The following BRD4 variants were observed in gnomAD, a reference collection of about 807,000 sequenced individuals.
BRD4 encodes the protein bromodomain-containing protein 4.
BRD4 carries 16 observed loss-of-function variants against 142.1 expected under a neutral mutation model. The ratio of observed to expected loss-of-function variants is 0.11; its 90% CI spans 0.08 to 0.17. The LOEUF (loss-of-function observed/expected upper bound fraction) is 0.17. Among genes scored for constraint, BRD4 ranks in the 10% least tolerant of loss-of-function variants. BRD4 has a pLI of 1.00. For synonymous variants in BRD4, 833 were observed against 707.5 expected, an observed-to-expected ratio of 1.18 and a Z score of -2.82; for missense variants, 1,424 against 1,810.9, an observed-to-expected ratio of 0.79 and a Z score of 3.88.
Position 15,277,366 on chromosome 19 carries a change from T to C in BRD4, c.-34-4233A>G, listed in dbSNP as rs373863129. Reference sequence around the variant, plus strand: ...GTGCCCAGGTGCCTTGGGGATGTCATGGTAAACTCAGATGGCATTGCAGGA... The same window carrying C: ...GTGCCCAGGTGCCTTGGGGATGTCACGGTAAACTCAGATGGCATTGCAGGA... On this transcript the variant is annotated intron_variant, in intron 1 of 19. Transcript: ENST00000679869. Among the ~76,000 whole-genome samples, 231 of 152,310 alleles carry C rather than the reference T, an allele frequency of 1.5e-3. 3 individuals carry two copies. Among genetic ancestry groups the C allele is most frequent in the African/African-American group, 5.5e-3 (227 of 41,552 alleles).
chr19:15,318,480 G>A lies in BRD4; in HGVS notation c.-35+13810C>T, dbSNP rs142938205. On this transcript the variant is annotated intron_variant, in intron 1 of 19. Coordinates refer to ENST00000679869, the MANE Select transcript of BRD4 (RefSeq NM_001379291.1). ...AGAGTGGCACTGTGTACACTGCTTG[G>A]TGTAGCATGTCGATATCCCTAAACG... Among the ~76,000 whole-genome samples, 226 of 152,294 alleles carry A rather than the reference G, an allele frequency of 1.5e-3. 1 individual carries two copies. Among genetic ancestry groups the A allele is most frequent in the African/African-American group, 5.4e-3 (223 of 41,566 alleles).
intron 1 of BRD4, among the ~76,000 whole-genome samples, chr19:15,308,115 C>CAAAAAAAAAAAAAAAAA (rs57642262): frequency 3.8e-4 from 8 of 21,182 alleles, no homozygotes; most frequent in African/African-American, 2.0e-3. Context: ...GACTCCGTCT[C>CAAAAAAAAAAAAAAAAA]AAAAAAAAAA....
intron 1 of BRD4, among the ~76,000 whole-genome samples, chr19:15,278,441 A>G (rs979344336): frequency 2.0e-5 from 3 of 151,420 alleles, no homozygotes; most frequent in African/African-American, 7.3e-5. Flanking sequence ...AGGCTGAGAC[A>G]GGAGAATCAC....
chr19:15,331,391 CATCCCCACCCCAA>C (rs1158870633), intron 1 of BRD4, among the ~76,000 whole-genome samples: 4 of 152,218 alleles, frequency 2.6e-5, no homozygotes, highest in Non-Finnish European at 5.9e-5. Flanking sequence ...AACTCCCCCA[CATCCCCACCCCAA>C]ATCACCACAA....
chr19:15,267,457 AT>A lies in BRD4; in HGVS notation c.517del (p.Ile173Ter). ...ELPTEETEIM[I>X]VQAKGRGRGR... Reference sequence around the variant, plus strand: ...ACGTCCTCTTCCTTTTGCCTGGACTATCATGATCTCGGTTTCTTCTGTGGGT... The same window carrying A: ...ACGTCCTCTTCCTTTTGCCTGGACTACATGATCTCGGTTTCTTCTGTGGGT... On this transcript the variant is annotated frameshift_variant, in exon 4 of 20. Transcript: ENST00000679869. LOFTEE classifies it high-confidence loss of function. 1.2e-6 allele frequency: 2 copies of A among 1,614,210 alleles called. No individual in the cohort carries two copies. Among genetic ancestry groups the A allele is most frequent in the Non-Finnish European group, 1.7e-6 (2 of 1,180,038 alleles).
At chr19:15,326,026 A>G (rs2048105467) in intron 1 of BRD4, among the ~76,000 whole-genome samples, 1 of 151,008 alleles carries the variant, frequency 6.6e-6, no homozygotes, top group South Asian at 2.1e-4. Flanking sequence ...AAAGAAAGAA[A>G]GAAAAAGAAA....
rs373056844 is a variant in BRD4, at chr19:15,309,765, G to A, written c.-35+22525C>T. Among the ~76,000 whole-genome samples, 227 of 152,282 alleles carry A rather than the reference G, an allele frequency of 1.5e-3. 3 individuals are homozygous for A. The highest frequency in any genetic ancestry group is 5.4e-3 in the African/African-American group (223 of 41,552). On this transcript the variant is annotated intron_variant, in intron 1 of 19. Coordinates refer to ENST00000679869, the MANE Select transcript of BRD4 (RefSeq NM_001379291.1). ...ATCAAAGATGTTTCCTTCTCAAGGA[G>A]CAAACCGGGTAGTGTGGCAATCAAT...
In BRD4 at chr19:15,265,517, G is replaced by A. The variant is rs2145603775; in HGVS notation, c.686C>T (p.Thr229Ile). Residue 229 changes from threonine (T) to isoleucine (I), a missense_variant, in exon 5 of 20, where the codon ACC becomes ATC. Around this residue, in one of 16 missense-constraint regions of BRD4, gnomAD observed 140 missense variants for 131.7 expected, o/e 1.06. Transcript: ENST00000679869. ...QATPHPFPAV[T>I]PDLIVQTPVM... ...AGGGGTCTGGACGATGAGGTCCGGG[G>A]TGACGGCAGGGAAGGGGTGAGGCGT... is the stretch of plus-strand genomic sequence containing the variant. 2 of 1,614,040 alleles carry A rather than the reference G, an allele frequency of 1.2e-6. No homozygotes were observed. Among genetic ancestry groups the A allele is most frequent in the Non-Finnish European group, 1.7e-6 (2 of 1,179,984 alleles).
At chr19:15,282,793 C>A (rs117921496) in intron 1 of BRD4, among the ~76,000 whole-genome samples, 1 of 152,094 alleles carries the variant, frequency 6.6e-6, no homozygotes, top group Non-Finnish European at 1.5e-5. Context: ...GTATGTGGCA[C>A]TGAGATTCAT....
In BRD4 at chr19:15,244,612, GAGACAGAC is replaced by G. The variant is rs753440544; in HGVS notation, c.2212-20_2212-13del. 5.6e-6 allele frequency: 9 copies of G among 1,613,064 alleles called. No homozygotes were observed. The African/African-American group carries it at 6.7e-5, about 12-fold the overall frequency. On this transcript the variant is annotated splice_polypyrimidine_tract_variant and intron_variant, in intron 12 of 19. Coordinates refer to ENST00000679869, the MANE Select transcript of BRD4 (RefSeq NM_001379291.1). ...TGGTGATGATGGTGCTGCAGACAGA[GAGACAGAC>G]AGACAGACAGGCTGATGTCAGGCAG...
intron 1 of BRD4, among the ~76,000 whole-genome samples, chr19:15,305,023 CTTTTTTTTTTT>C (rs34235278): frequency 7.9e-6 from 1 of 126,416 alleles, no homozygotes; most frequent in South Asian, 2.5e-4. Context: ...TTAAGACCAT[CTTTTTTTTTTT>C]TTTTTTTTTG....
At chr19:15,294,717 C>T (rs1456875273) in intron 1 of BRD4, among the ~76,000 whole-genome samples, 1 of 152,168 alleles carries the variant, frequency 6.6e-6, no homozygotes, top group African/African-American at 2.4e-5. Context: ...TGGCTGGGTG[C>T]CATGGCTAAT....
rs2145599557 is a variant in BRD4 at position 15,264,588 on chromosome 19, G to A, written c.1028C>T (p.Ala343Val). 1 of 1,614,162 alleles carries A rather than the reference G, an allele frequency of 6.2e-7. No individual in the cohort carries two copies. Among genetic ancestry groups the A allele is most frequent in the South Asian group, 1.1e-5 (1 of 91,088 alleles). Reference sequence around the variant, plus strand: ...CGAGACCTTGCTGCTCTTCTCTGGTGCTGGGTGCTGCTGAGAGTCGGGCAC... The same window carrying A: ...CGAGACCTTGCTGCTCTTCTCTGGTACTGGGTGCTGCTGAGAGTCGGGCAC... ...KDVPDSQQHP[A>V]PEKSSKVSEQ... is the part of the protein sequence containing the mutation. The change falls in exon 6 of 20, where the codon GCA becomes GTA. Residue 343 changes from alanine (A) to valine (V), a missense_variant. Transcript: ENST00000679869.
intron 1 of BRD4, among the ~76,000 whole-genome samples, chr19:15,318,571 T>A (rs1421229062): frequency 6.6e-6 from 1 of 152,200 alleles, no homozygotes; most frequent in African/African-American, 2.4e-5. Flanking sequence ...CAGGTTCCAG[T>A]GCATGCGTAA....
intron 1 of BRD4, among the ~76,000 whole-genome samples, chr19:15,302,715 G>A (rs1378642289): frequency 6.9e-6 from 1 of 145,048 alleles, no homozygotes; most frequent in Non-Finnish European, 1.5e-5. Context: ...ATTAAAAAGT[G>A]CTTTTCTGGG....
At chr19:15,242,813 G>A (rs1054237861) in intron 14 of BRD4, 87 bp downstream of exon 14, 7 of 1,535,646 alleles carry the variant, frequency 4.6e-6, no homozygotes, top group Non-Finnish European at 6.2e-6. Flanking sequence ...GCAGCCTGAA[G>A]CATGAGTTAA....
intron 2 of BRD4, 109 bp downstream of exon 2, chr19:15,272,706 A>C: frequency 9.3e-7 from 1 of 1,071,184 alleles, no homozygotes; most frequent in Non-Finnish European, 1.3e-6. Flanking sequence ...AGCTCTCACC[A>C]TGATTCCAAA....
chr19:15,239,815 G>A lies in BRD4; in HGVS notation c.3289C>T (p.Arg1097Cys), dbSNP rs1234699192. 8 of 1,613,526 alleles carry A rather than the reference G, an allele frequency of 5.0e-6. 1 individual carries two copies. In the Admixed American group the frequency reaches 6.7e-5, roughly 13 times the overall value. Reference protein sequence around the residue: ...QNVQPKKQELRAASVVQPQPL... With the variant: ...QNVQPKKQELCAASVVQPQPL... ...TGGGGCTGGACCACGGAGGCAGCAC[G>A]CAGCTCCTGGGATGGCACAGGCACA... The change falls in exon 16 of 20, where the codon CGT (arginine) becomes TGT (cysteine). Residue 1097 changes from arginine (R) to cysteine (C), a missense_variant. Arg to Cys is a radical substitution (Grantham distance 180). Around this residue, in one of 16 missense-constraint regions of BRD4, gnomAD observed 598 missense variants for 647.8 expected, o/e 0.92. Coordinates refer to ENST00000679869, the MANE Select transcript of BRD4 (RefSeq NM_001379291.1). The surrounding 1 kb of genome is among the most constrained non-coding windows in gnomAD (Gnocchi z 7.4).
At chr19:15,331,577 C>A (rs902186857) in intron 1 of BRD4, among the ~76,000 whole-genome samples, 124 of 152,314 alleles carry the variant, frequency 8.1e-4, no homozygotes, top group Non-Finnish European at 1.0e-4. Flanking sequence ...GCCCTGAGGC[C>A]TGGCCTCAGA....
Sources: allele counts gnomAD v4.1 joint callset (sites outside exome capture counted in the v4.1 genomes callset), GRCh38; gene constraint gnomAD v4.1.1; regional missense constraint gnomAD v4.1.1; non-coding constraint Gnocchi (gnomAD v3.1); transcripts MANE v1.5; gene names NCBI Gene and HGNC (gene_info 2026-07-23, HGNC 2026-07-21).